The following EPB41L4A variants were observed in gnomAD, a reference collection of about 807,000 sequenced individuals.
EPB41L4A encodes erythrocyte membrane protein band 4.1 like 4A.
In EPB41L4A, 100 loss-of-function variants were observed where a neutral mutation model predicts 108.6. The ratio of observed to expected loss-of-function variants is 0.92; its 90% CI spans 0.78 to 1.09. EPB41L4A has a LOEUF of 1.09. EPB41L4A is among the 50% of genes least tolerant of loss of function. The probability of loss-of-function intolerance (pLI) is 0.00; values close to 1 mark genes in which losing one functional copy is unlikely to be tolerated. For missense variants in EPB41L4A, 1,030 were observed against 842.7 expected (o/e 1.22, Z -2.75); for synonymous variants, 319 against 289.0 (o/e 1.10, Z -1.05).
chr5:112,365,975 A>G (rs764394459), intron 1 of EPB41L4A, among the ~76,000 whole-genome samples: 9 of 152,234 alleles, frequency 5.9e-5, no homozygotes, highest in Non-Finnish European at 1.2e-4. Context: ...TCAACAACGA[A>G]AAAAGCCCTA....
intron 1 of EPB41L4A, chr5:112,363,773 C>T (rs138690038): frequency 2.8e-4 from 42 of 152,250 alleles, no homozygotes; most frequent in African/African-American, 9.4e-4. Context: ...AGATTATTAA[C>T]CAGTTACATA....
intron 1 of EPB41L4A, among the ~76,000 whole-genome samples, chr5:112,355,262 G>A (rs577349420): frequency 1.3e-5 from 2 of 152,328 alleles, no homozygotes; most frequent in South Asian, 2.1e-4. Context: ...TAGTTTCTAT[G>A]CAACTAAAAT....
intron 12 of EPB41L4A, among the ~76,000 whole-genome samples, chr5:112,222,449 G>A (rs1748135105): frequency 6.6e-6 from 1 of 152,164 alleles, no homozygotes; most frequent in Non-Finnish European, 1.5e-5. Context: ...TTCTCATGGG[G>A]ATACTGAAAG....
intron 1 of EPB41L4A, among the ~76,000 whole-genome samples, chr5:112,338,577 C>T (rs1757067955): frequency 6.7e-6 from 1 of 148,688 alleles, no homozygotes; most frequent in Non-Finnish European, 1.5e-5. Flanking sequence ...GCTTCCTCTA[C>T]CAGCGTATAT....
At position 112,234,754 on chromosome 5, in the gene EPB41L4A, C is replaced by A; in HGVS notation, c.967G>T (p.Gly323Cys). The change falls in exon 12 of 23, where the codon GGC (glycine) becomes TGC (cysteine). Residue 323 changes from glycine (G) to cysteine (C), a missense_variant and splice_region_variant. Transcript: ENST00000261486. ...CGGCTCATTTGCAAAGCTGTCCTGC[C>A]ACTTGAGAGTGCAACATTTTGATTA... is the stretch of plus-strand genomic sequence containing the variant. ...GSIRYKHRYS[G>C]RTALQMSRDL... 1 of 1,608,790 alleles carries A rather than the reference C, an allele frequency of 6.2e-7. No individual in the cohort carries two copies. The highest frequency in any genetic ancestry group is 1.1e-5 in the South Asian group (1 of 90,302).
At chr5:112,191,259 G>A (rs546474399) in intron 17 of EPB41L4A, among the ~76,000 whole-genome samples, 2 of 152,250 alleles carry the variant, frequency 1.3e-5, no homozygotes, top group African/African-American at 2.4e-5. Context: ...TAGGAAACAC[G>A]GTAGGATGAA....
chr5:112,148,123 T>C (rs1308133643), intron 12 of EPB41L4A, among the ~76,000 whole-genome samples: 1 of 148,136 alleles, frequency 6.8e-6, no homozygotes, highest in Admixed American at 6.8e-5. Flanking sequence ...TATAATATAA[T>C]AATATAATAG....
At chr5:112,306,691 G>A (rs1452538468) in intron 2 of EPB41L4A, among the ~76,000 whole-genome samples, 1 of 152,142 alleles carries the variant, frequency 6.6e-6, no homozygotes, top group Non-Finnish European at 1.5e-5. Context: ...CTGAAGCTAA[G>A]ATCTTTACTT....
chr5:112,381,816 C>A (rs1320748102), intron 1 of EPB41L4A, among the ~76,000 whole-genome samples: 2 of 152,236 alleles, frequency 1.3e-5, no homozygotes, highest in Non-Finnish European at 2.9e-5. Flanking sequence ...AGTCCCACAG[C>A]CTTCCATAAT....
chr5:112,308,334 C>G (rs184056987), intron 1 of EPB41L4A, among the ~76,000 whole-genome samples: 1 of 152,306 alleles, frequency 6.6e-6, no homozygotes, highest in East Asian at 1.9e-4. Context: ...TCAGTTTCAT[C>G]TTCCCTCAGA....
At chr5:112,277,519 A>G (rs1024241175) in intron 3 of EPB41L4A, among the ~76,000 whole-genome samples, 1 of 152,176 alleles carries the variant, frequency 6.6e-6, no homozygotes, top group African/African-American at 2.4e-5. Context: ...AATGTTTCAT[A>G]AACATTTGAT....
chr5:112,191,122 A>T (rs1336519265), intron 17 of EPB41L4A, among the ~76,000 whole-genome samples: 1 of 152,194 alleles, frequency 6.6e-6, no homozygotes, highest in Non-Finnish European at 1.5e-5. Context: ...AAATCTCAAA[A>T]CCTAGAAAGC....
At chr5:112,372,670 T>C (rs1320728064) in intron 1 of EPB41L4A, among the ~76,000 whole-genome samples, 2 of 152,172 alleles carry the variant, frequency 1.3e-5, no homozygotes, top group East Asian at 1.9e-4. Context: ...AAGAACCAGA[T>C]AATACCTTAC....
In EPB41L4A at chr5:112,228,698, A is replaced by C. The variant is rs951282639; in HGVS notation, c.1087+5936T>G. On this transcript the variant is annotated intron_variant, in intron 12 of 22. Coordinates refer to ENST00000261486, the MANE Select transcript of EPB41L4A (RefSeq NM_022140.5). ...GCAGAGACGATCTCCTTTGACAGGA[A>C]TCCAACTGTGTGAGTTGCCAAGAAC... 8.1e-6 allele frequency: 8 copies of C among 985,234 alleles called. No homozygotes were observed. The Admixed American group carries it at 3.1e-4, about 38-fold the overall frequency. 61.0% of individuals were successfully genotyped at this position (985,234 alleles called of 1,614,324 possible). A position where few individuals can be genotyped will look rare whatever the true frequency, so the allele number is the denominator to read the frequency against.
intron 1 of EPB41L4A, among the ~76,000 whole-genome samples, chr5:112,326,348 C>A (rs1756160509): frequency 6.6e-6 from 1 of 152,032 alleles, no homozygotes; most frequent in Non-Finnish European, 1.5e-5. Context: ...TACACACAAC[C>A]ACAACACACA....
rs191401559 is a variant in EPB41L4A at position 112,298,361 on chromosome 5, G to A, written c.204+9025C>T. Among the ~76,000 whole-genome samples the A allele has an allele frequency of 5.2e-4, 79 of 152,152 alleles. 1 individual carries two copies. The East Asian group carries it at 7.7e-3, about 15-fold the overall frequency. ...TTTATTACATTGAGGTATGTCCCTCGTATGCCAATTTTGCTGAGGGTTTTA... is the reference window on the plus strand; with the variant it reads ...TTTATTACATTGAGGTATGTCCCTCATATGCCAATTTTGCTGAGGGTTTTA... On this transcript the variant is annotated intron_variant, in intron 2 of 22. Coordinates refer to ENST00000261486, the MANE Select transcript of EPB41L4A (RefSeq NM_022140.5).
chr5:112,374,899 T>C (rs571687039), intron 1 of EPB41L4A, among the ~76,000 whole-genome samples: 1 of 152,310 alleles, frequency 6.6e-6, no homozygotes, highest in East Asian at 1.9e-4. Flanking sequence ...AACTCTGAGT[T>C]TGACAGCAAA....
chr5:112,335,352 GA>G (rs759519362), intron 1 of EPB41L4A, among the ~76,000 whole-genome samples: 50 of 152,148 alleles, frequency 3.3e-4, no homozygotes, highest in Admixed American at 7.2e-4. Flanking sequence ...CGATTTAACA[GA>G]AAAAAAGTGA....
intron 9 of EPB41L4A, among the ~76,000 whole-genome samples, chr5:112,250,391 T>C (rs1750574205): frequency 6.6e-6 from 1 of 152,190 alleles, no homozygotes; most frequent in African/African-American, 2.4e-5. Flanking sequence ...TCCAAATGGA[T>C]TTTTCTGTGA....
Sources: gnomAD v4.1 joint callset for allele counts (sites outside exome capture counted in the v4.1 genomes callset) on GRCh38, gnomAD v4.1.1 for gene constraint, MANE v1.5 for transcripts, NCBI Gene and HGNC (gene_info 2026-07-23, HGNC 2026-07-21) for gene names.